ST6GALNAC3: variants seen among roughly 807,000 people sequenced by gnomAD.
ST6GALNAC3 encodes the protein ST6 N-acetylgalactosaminide alpha-2,6-sialyltransferase 3.
Under a neutral mutation model 32.7 loss-of-function variants are expected in ST6GALNAC3, and 25 were observed. That is an observed-to-expected ratio of 0.76 (90% CI 0.56 to 1.07). The LOEUF (loss-of-function observed/expected upper bound fraction) is 1.07, where lower values mean the gene tolerates loss of function less well. Among genes scored for constraint, ST6GALNAC3 ranks in the 50% least tolerant of loss-of-function variants. ST6GALNAC3 has a pLI of 0.00. For synonymous variants in ST6GALNAC3, 129 were observed against 133.1 expected (o/e 0.97, Z 0.21); for missense variants, 355 against 382.4 (o/e 0.93, Z 0.60).
chr1:76,191,798 G>C (rs1308670829), intron 1 of ST6GALNAC3, among the ~76,000 whole-genome samples: 1 of 152,126 alleles, frequency 6.6e-6, no homozygotes, highest in Non-Finnish European at 1.5e-5. Flanking sequence ...CTCCTGAAAT[G>C]AGAGGGAAGG....
At chr1:76,317,610 TCTGGAAA>T (rs1646889528) in intron 2 of ST6GALNAC3, among the ~76,000 whole-genome samples, 1 of 152,144 alleles carries the variant, frequency 6.6e-6, no homozygotes, top group Non-Finnish European at 1.5e-5. Context: ...GCATATGGTT[TCTGGAAA>T]TTACTAAACT....
At chr1:76,330,534 T>G (rs1431752753) in intron 2 of ST6GALNAC3, among the ~76,000 whole-genome samples, 1 of 152,192 alleles carries the variant, frequency 6.6e-6, no homozygotes, top group East Asian at 1.9e-4. Flanking sequence ...ATACTGTTGG[T>G]CTCAAATTAT....
intron 2 of ST6GALNAC3, among the ~76,000 whole-genome samples, chr1:76,368,482 G>A (rs1420066280): frequency 6.6e-6 from 1 of 152,060 alleles, no homozygotes; most frequent in Non-Finnish European, 1.5e-5. Context: ...CAAATCTGAT[G>A]GTATGCCACT....
chr1:76,610,619 C>G (rs1230522155), intron 3 of ST6GALNAC3, among the ~76,000 whole-genome samples: 1 of 152,056 alleles, frequency 6.6e-6, no homozygotes, highest in Admixed American at 6.5e-5. Context: ...GAAAGAGTAT[C>G]GATCCTGTTT....
rs142696911 is a variant in ST6GALNAC3, at chr1:76,114,489, A to G, written c.18+39605A>G. The stretch of plus-strand genomic sequence containing the variant: ...GTTTTACAGTTTCTACAGTGAACAT[A>G]TTATTTTTCCTAATTACAAAATATA... On this transcript the variant is annotated intron_variant, in intron 1 of 4. Coordinates refer to ENST00000328299, the MANE Select transcript of ST6GALNAC3 (RefSeq NM_152996.4). Among the ~76,000 whole-genome samples the G allele has an allele frequency of 1.3e-3, 197 of 152,338 alleles. 2 individuals carry two copies. The highest frequency in any genetic ancestry group is 4.4e-3 in the African/African-American group (185 of 41,574).
intron 2 of ST6GALNAC3, among the ~76,000 whole-genome samples, chr1:76,335,647 G>A (rs1443286017): frequency 1.3e-5 from 2 of 152,154 alleles, no homozygotes; most frequent in East Asian, 3.8e-4. Context: ...ATGAAATGCT[G>A]TTAAATAAAA....
chr1:76,322,843 T>C (rs1053369324), intron 2 of ST6GALNAC3, among the ~76,000 whole-genome samples: 6 of 151,904 alleles, frequency 3.9e-5, no homozygotes, highest in African/African-American at 1.5e-4. Context: ...ATGGATTCTT[T>C]ATTTATTCAT....
chr1:76,490,346 A>G (rs1191440217), intron 3 of ST6GALNAC3, among the ~76,000 whole-genome samples: 1 of 151,974 alleles, frequency 6.6e-6, no homozygotes, highest in Non-Finnish European at 1.5e-5. Context: ...AAAAATCTGC[A>G]TTTAGTAGGT....
intron 3 of ST6GALNAC3, among the ~76,000 whole-genome samples, chr1:76,582,799 G>A (rs1345056671): frequency 1.3e-5 from 2 of 152,118 alleles, no homozygotes; most frequent in Non-Finnish European, 2.9e-5. Context: ...TAGTTTTCAA[G>A]TGAATTGTGT....
At chr1:76,530,347 C>T (rs868231300) in intron 3 of ST6GALNAC3, among the ~76,000 whole-genome samples, 16 of 152,280 alleles carry the variant, frequency 1.1e-4, no homozygotes, top group African/African-American at 3.6e-4. Flanking sequence ...GAGGCCCCCT[C>T]TGACATACTA....
intron 1 of ST6GALNAC3, among the ~76,000 whole-genome samples, chr1:76,166,191 A>G (rs1250661365): frequency 6.6e-6 from 1 of 152,186 alleles, no homozygotes; most frequent in Non-Finnish European, 1.5e-5. Flanking sequence ...ATATGGCGGA[A>G]GGAAGGGGTC....
intron 3 of ST6GALNAC3, among the ~76,000 whole-genome samples, chr1:76,496,032 C>G (rs55671395): frequency 0.13 from 19,266 of 152,192 alleles, 2,438 homozygotes; most frequent in African/African-American, 0.33. Flanking sequence ...ATTTTGCTAA[C>G]ATCACTTCCA....
chr1:76,457,812 A>G (rs1211539712), intron 3 of ST6GALNAC3, among the ~76,000 whole-genome samples: 5 of 151,082 alleles, frequency 3.3e-5, no homozygotes, highest in African/African-American at 9.7e-5. Context: ...ACCATTCAGG[A>G]CATAGGCATG....
chr1:76,470,911 T>C (rs1658982404), intron 3 of ST6GALNAC3, among the ~76,000 whole-genome samples: 1 of 152,108 alleles, frequency 6.6e-6, no homozygotes, highest in African/African-American at 2.4e-5. Context: ...CTGTGCTTAC[T>C]GGTAGCCAGG....
chr1:76,410,813 C>T (rs2147791), intron 2 of ST6GALNAC3, among the ~76,000 whole-genome samples: 71,449 of 151,902 alleles, frequency 0.47, 16,959 homozygotes, highest in Middle Eastern at 0.52. Flanking sequence ...ACTTAACCAA[C>T]TGAGCCTTTA....
intron 2 of ST6GALNAC3, among the ~76,000 whole-genome samples, chr1:76,382,996 G>T (rs1651829285): frequency 7.2e-5 from 11 of 151,916 alleles, no homozygotes; most frequent in Admixed American, 7.2e-4. Flanking sequence ...AAGAAGAAAA[G>T]AAAATCTTAA....
intron 3 of ST6GALNAC3, among the ~76,000 whole-genome samples, chr1:76,623,350 G>T (rs118163007): frequency 2.6e-4 from 39 of 151,984 alleles, no homozygotes; most frequent in Admixed American, 1.6e-3. Flanking sequence ...CTCTTCACAC[G>T]CCTGCCTTTA....
chr1:76,629,890 G>A lies in ST6GALNAC3; in HGVS notation c.*1084G>A, dbSNP rs192465467. 2.2e-3 allele frequency: 2,125 copies of A among 985,014 alleles called. 3 individuals are homozygous for A. The highest frequency in any genetic ancestry group is 2.5e-3 in the Non-Finnish European group (2,039 of 829,710). 61.0% of individuals were successfully genotyped at this position (985,014 alleles called of 1,614,324 possible). A position where few individuals can be genotyped will look rare whatever the true frequency, so the allele number is the denominator to read the frequency against. On this transcript the variant is annotated 3_prime_UTR_variant, in exon 5 of 5. Coordinates refer to ENST00000328299, the MANE Select transcript of ST6GALNAC3 (RefSeq NM_152996.4). The stretch of plus-strand genomic sequence containing the variant: ...AAGTGCCAGCTGTTACACATGGAGA[G>A]GAAATGATTCCTTATATTAAACCTG...
chr1:76,233,199 A>G (rs992458653), intron 1 of ST6GALNAC3, among the ~76,000 whole-genome samples: 7 of 152,190 alleles, frequency 4.6e-5, no homozygotes, highest in African/African-American at 1.7e-4. Context: ...AACTATTATC[A>G]TTAAAACCAG....
Sources: gnomAD v4.1 joint callset for allele counts (sites outside exome capture counted in the v4.1 genomes callset) on GRCh38, gnomAD v4.1.1 for gene constraint, MANE v1.5 for transcripts, NCBI Gene and HGNC (gene_info 2026-07-23, HGNC 2026-07-21) for gene names.